The following HEATR5A variants were observed in gnomAD, a reference collection of about 807,000 sequenced individuals.
The protein encoded by HEATR5A is HEAT repeat-containing protein 5A.
A neutral mutation model predicts 218.8 loss-of-function variants in HEATR5A; 178 were observed. The ratio of observed to expected loss-of-function variants is 0.81; its 90% CI spans 0.72 to 0.92. HEATR5A has a LOEUF of 0.92. Ranked by LOEUF, HEATR5A falls within the 40% of genes least tolerant of loss-of-function variation. The pLI is 0.00. For missense variants in HEATR5A, 2,420 were observed against 2,418.9 expected (o/e 1.00, Z -0.01); for synonymous variants, 864 against 871.6 (o/e 0.99, Z 0.15).
intron 16 of HEATR5A, among the ~76,000 whole-genome samples, chr14:31,351,166 G>C (rs1901213610): frequency 6.6e-6 from 1 of 152,104 alleles, no homozygotes; most frequent in Admixed American, 6.6e-5. Flanking sequence ...CCAATAACTG[G>C]AAAACTAAAA....
At position 31,383,638 on chromosome 14, in the gene HEATR5A, T is replaced by C. The variant is rs1294396006; in HGVS notation, c.1479A>G (p.Glu493=). The change falls in exon 10 of 36, where the codon GAA becomes GAG. Residue 493 remains glutamate, a synonymous_variant. Transcript: ENST00000543095. ...YLTPLLDRCL[E]RLTGHKSSPE... ...GTGAAGACTTATGTCCAGTAAGCCG[T>C]TCAAGGCAACGATCCAAGAGTGGTG... 2 of 1,613,820 alleles carry C rather than the reference T, an allele frequency of 1.2e-6. No individual in the cohort carries two copies. Among genetic ancestry groups the C allele is most frequent in the Admixed American group, 1.7e-5 (1 of 59,996 alleles).
intron 1 of HEATR5A, among the ~76,000 whole-genome samples, chr14:31,407,028 G>A (rs913670943): frequency 7.0e-6 from 1 of 143,734 alleles, no homozygotes; most frequent in East Asian, 2.1e-4. Flanking sequence ...AGTGGCTCAC[G>A]CCTATAATCC....
intron 1 of HEATR5A, among the ~76,000 whole-genome samples, chr14:31,413,006 A>G (rs1446566443): frequency 6.6e-6 from 1 of 152,152 alleles, no homozygotes; most frequent in Non-Finnish European, 1.5e-5. Flanking sequence ...TCCCACAGTC[A>G]AATGAATCCA....
chr14:31,343,750 C>T (rs1016475378), intron 21 of HEATR5A, 146 bp downstream of exon 21: 6 of 561,778 alleles, frequency 1.1e-5, no homozygotes, highest in Non-Finnish European at 1.1e-5. Flanking sequence ...CCCCTACTCC[C>T]GAAAAAGACT....
chr14:31,402,818 A>C (rs1247369494), intron 2 of HEATR5A, 32 bp downstream of exon 2: 2 of 1,534,306 alleles, frequency 1.3e-6, no homozygotes, highest in African/African-American at 2.7e-5. Flanking sequence ...TGGGCACTTA[A>C]ACAAAAAAAC....
At chr14:31,366,851 G>C (rs1215853825) in intron 13 of HEATR5A, among the ~76,000 whole-genome samples, 1 of 152,156 alleles carries the variant, frequency 6.6e-6, no homozygotes, top group Non-Finnish European at 1.5e-5. Context: ...CATGGTAGGG[G>C]TGTAAAACCC....
chr14:31,411,509 T>C (rs1305666185), intron 1 of HEATR5A, among the ~76,000 whole-genome samples: 1 of 152,190 alleles, frequency 6.6e-6, no homozygotes. Flanking sequence ...GAGTACTTTG[T>C]GGAATGCTGC....
intron 6 of HEATR5A, among the ~76,000 whole-genome samples, chr14:31,390,738 G>T (rs538399986): frequency 3.9e-5 from 6 of 152,274 alleles, no homozygotes; most frequent in Admixed American, 2.0e-4. Flanking sequence ...TGCCAGTCAT[G>T]TAAAAGTAAA....
chr14:31,357,803 T>C (rs1391208300), intron 16 of HEATR5A, among the ~76,000 whole-genome samples: 1 of 152,168 alleles, frequency 6.6e-6, no homozygotes, highest in African/African-American at 2.4e-5. Flanking sequence ...CATTGTGAAA[T>C]AGATTACCAC....
intron 22 of HEATR5A, among the ~76,000 whole-genome samples, chr14:31,334,727 A>G (rs1413951541): frequency 6.6e-6 from 1 of 152,142 alleles, no homozygotes; most frequent in Non-Finnish European, 1.5e-5. Flanking sequence ...CGAGTGGATC[A>G]CGAGGTCAGG....
In HEATR5A at chr14:31,383,587, A is replaced by G. The variant is rs556781349; in HGVS notation, c.1530T>C (p.Phe510=). The change falls in exon 10 of 36, where the codon TTT becomes TTC. Residue 510 remains phenylalanine, a synonymous_variant. Transcript: ENST00000543095. ...CTGCTCCCAACAAAGCTGCTACAGC[A>G]AAACTGAAGCCAGTCACTGCTTCAG... ...SSPEAVTGFS[F]AVAALLGAVK... The G allele has an allele frequency of 4.2e-5, 68 of 1,613,938 alleles. 1 individual carries two copies. The South Asian group carries it at 6.5e-4, about 15-fold the overall frequency.
intron 6 of HEATR5A, among the ~76,000 whole-genome samples, chr14:31,392,617 C>T (rs1483903862): frequency 6.6e-6 from 1 of 152,128 alleles, no homozygotes; most frequent in African/African-American, 2.4e-5. Context: ...CCAGTCTTCT[C>T]TCCTGGGCAC....
At position 31,294,119 on chromosome 14, in the gene HEATR5A, G is replaced by T. The variant is rs778092264; in HGVS notation, c.5620-15C>A. 18 of 1,483,232 alleles carry T rather than the reference G, an allele frequency of 1.2e-5. No homozygotes were observed. The South Asian group carries it at 1.9e-4, about 16-fold the overall frequency. The allele number at this position is 1,483,232 out of a possible 1,614,324, so 91.9% of individuals were successfully genotyped here. ...TTGATTTGTACCTAATAAGGTAAGA[G>T]AAAAGAATAGCAAATACTATAAATA... On this transcript the variant is annotated splice_polypyrimidine_tract_variant and intron_variant, in intron 34 of 35. Coordinates refer to ENST00000543095, the MANE Select transcript of HEATR5A (RefSeq NM_015473.4).
chr14:31,374,003 T>C (rs1902133963), intron 12 of HEATR5A, among the ~76,000 whole-genome samples: 2 of 152,148 alleles, frequency 1.3e-5, no homozygotes, highest in South Asian at 2.1e-4. Flanking sequence ...ATATAATATA[T>C]ACAACATACA....
In HEATR5A at chr14:31,293,545, T is replaced by C. The variant is rs1386081807; in HGVS notation, c.5901A>G (p.Gly1967=). ...AATTTCTCATTATGGAAGTTGCTGA[T>C]CCCAGAGAATTTTCATCCAAAAGGA... The part of the protein sequence containing the change: ...ISFLLDENSL[G]SATSIMRNLH... The change falls in exon 36 of 36, where the codon GGA becomes GGG. Residue 1967 remains glycine, a synonymous_variant. Coordinates refer to ENST00000543095, the MANE Select transcript of HEATR5A (RefSeq NM_015473.4). 1 of 1,613,790 alleles carries C rather than the reference T, an allele frequency of 6.2e-7. No individual in the cohort carries two copies.
chr14:31,374,469 C>A (rs1323084603), intron 12 of HEATR5A, among the ~76,000 whole-genome samples: 1 of 152,080 alleles, frequency 6.6e-6, no homozygotes, highest in East Asian at 1.9e-4. Context: ...CAAGGGTCAA[C>A]TGTATAGGCT....
At chr14:31,308,912 T>C in intron 29 of HEATR5A, 22 bp downstream of exon 29, 1 of 1,590,280 alleles carries the variant, frequency 6.3e-7, no homozygotes. Context: ...GGTTGTAAAC[T>C]TGTAAAAGTG....
In HEATR5A at chr14:31,387,244, G is replaced by A. The variant is rs1201685938; in HGVS notation, c.1065C>T (p.Val355=). Residue 355 remains valine (V), a synonymous_variant, in exon 8 of 36, where the codon GTC becomes GTT. Transcript: ENST00000543095. ...PKATQTQIDA[V]CCRRCVSFIL... ...TAAATGAAACACAACGGCGACAGCAGACGGCATCGATCTGAGTTTGGGTGG... is the reference window on the plus strand; with the variant it reads ...TAAATGAAACACAACGGCGACAGCAAACGGCATCGATCTGAGTTTGGGTGG... The A allele has an allele frequency of 1.2e-6, 2 of 1,613,846 alleles. No individual in the cohort carries two copies. The highest frequency in any genetic ancestry group is 1.7e-6 in the Non-Finnish European group (2 of 1,179,888).
At chr14:31,409,957 T>C (rs2139321043) in intron 1 of HEATR5A, among the ~76,000 whole-genome samples, 1 of 152,344 alleles carries the variant, frequency 6.6e-6, no homozygotes, top group South Asian at 2.1e-4. Flanking sequence ...TTGGTCATTT[T>C]AGTTCCTTAA....
Sources: allele counts gnomAD v4.1 joint callset (sites outside exome capture counted in the v4.1 genomes callset), GRCh38; gene constraint gnomAD v4.1.1; transcripts MANE v1.5; gene names NCBI Gene and HGNC (gene_info 2026-07-23, HGNC 2026-07-21).